Variants in CELF2 observed in about 807,000 individuals in gnomAD.
CELF2 encodes the protein CUGBP Elav-like family member 2, also known as CUG triplet repeat RNA-binding protein 2.
CELF2 carries 8 observed loss-of-function variants against 62.6 expected under a neutral mutation model. That is an observed-to-expected ratio of 0.13 (90% CI 0.07 to 0.23). The LOEUF is 0.23. CELF2 is among the 10% of genes least tolerant of loss of function. The pLI is 1.00. For missense variants in CELF2, 333 were observed against 671.0 expected (o/e 0.50, Z 5.56); for synonymous variants, 258 against 250.0 (o/e 1.03, Z -0.30).
At chr10:10,977,483 C>T (rs2051485127) in intron 2 of CELF2, among the ~76,000 whole-genome samples, 1 of 151,942 alleles carries the variant, frequency 6.6e-6, no homozygotes, top group African/African-American at 2.4e-5. Flanking sequence ...ATATTTAAAC[C>T]CAGAATGTCA....
At chr10:10,524,270 G>T in the CELF2 span, among the ~76,000 whole-genome samples, 3 of 151,956 alleles carry the variant, frequency 2.0e-5, no homozygotes, top group Non-Finnish European at 4.4e-5. Context: ...TTCTAAGAGG[G>T]CAAAGCTCAT....
the CELF2 span, among the ~76,000 whole-genome samples, chr10:10,697,024 T>C: frequency 6.6e-6 from 1 of 152,108 alleles, no homozygotes; most frequent in African/African-American, 2.4e-5. Flanking sequence ...TTAAGGTACA[T>C]GTTCAAGGAT....
the CELF2 span, among the ~76,000 whole-genome samples, chr10:10,694,345 G>A: frequency 6.6e-6 from 1 of 150,876 alleles, no homozygotes; most frequent in Non-Finnish European, 1.5e-5. Flanking sequence ...TTAATCCTGA[G>A]TTCTAGTTTG....
At chr10:10,752,011 G>A in the CELF2 span, among the ~76,000 whole-genome samples, 1 of 152,170 alleles carries the variant, frequency 6.6e-6, no homozygotes, top group East Asian at 1.9e-4. Context: ...AACAAATTAT[G>A]ACCTGCTTCG....
the CELF2 span, among the ~76,000 whole-genome samples, chr10:10,584,955 A>C: frequency 6.6e-6 from 1 of 152,172 alleles, no homozygotes; most frequent in African/African-American, 2.4e-5. Context: ...TTTTGAGAGA[A>C]GTAAGTTTGA....
At chr10:10,466,652 T>A in the CELF2 span, among the ~76,000 whole-genome samples, 11 of 152,268 alleles carry the variant, frequency 7.2e-5, no homozygotes, top group African/African-American at 2.6e-4. Context: ...GCTGTAACAT[T>A]TGATACTTTC....
the CELF2 span, among the ~76,000 whole-genome samples, chr10:10,657,276 A>C: frequency 1.3e-5 from 2 of 152,202 alleles, no homozygotes; most frequent in Non-Finnish European, 2.9e-5. Flanking sequence ...GGACAGTGAG[A>C]GTAATTGTTG....
chr10:11,129,120 C>T (rs1047634555), intron 1 of CELF2, among the ~76,000 whole-genome samples: 1 of 152,156 alleles, frequency 6.6e-6, no homozygotes, highest in Non-Finnish European at 1.5e-5. Context: ...GCCTATTCTG[C>T]ATCTATTGAG....
the CELF2 span, among the ~76,000 whole-genome samples, chr10:10,662,806 A>ATTAACCAC: frequency 1.3e-5 from 2 of 152,212 alleles, no homozygotes; most frequent in African/African-American, 4.8e-5. Flanking sequence ...TGATGTGTTA[A>ATTAACCAC]TTGGAGAGCA....
the CELF2 span, among the ~76,000 whole-genome samples, chr10:10,638,127 A>G: frequency 6.6e-6 from 1 of 152,180 alleles, no homozygotes; most frequent in Non-Finnish European, 1.5e-5. Flanking sequence ...GGTACAGGAA[A>G]TAAAACAGCA....
At chr10:10,956,426 G>T (rs1448553387) in intron 2 of CELF2, among the ~76,000 whole-genome samples, 1 of 152,130 alleles carries the variant, frequency 6.6e-6, no homozygotes, top group Non-Finnish European at 1.5e-5. Context: ...TTTATCCTGG[G>T]TGGAGGCCAT....
At chr10:10,657,347 G>T in the CELF2 span, among the ~76,000 whole-genome samples, 3 of 151,760 alleles carry the variant, frequency 2.0e-5, no homozygotes, top group Non-Finnish European at 4.4e-5. Context: ...CTGTGGTGAT[G>T]GTTGCGTAAC....
rs2056869818 is a variant in CELF2 at position 11,194,438 on chromosome 10, TTGGTC to T, written c.272-22985_272-22981del. ...AATTCAAAATTTTTAAATGAAAACA[TTGGTC>T]TTTGCCCAGTAACGAACATGTGTAC... On this transcript the variant is annotated intron_variant, in intron 2 of 12. Transcript: ENST00000633077. Among the ~76,000 whole-genome samples the T allele has an allele frequency of 2.6e-5, 4 of 152,196 alleles. No homozygotes were observed. In the South Asian group the frequency reaches 8.3e-4, roughly 32 times the overall value.
chr10:10,541,337 C>A, the CELF2 span, among the ~76,000 whole-genome samples: 1 of 151,862 alleles, frequency 6.6e-6, no homozygotes, highest in South Asian at 2.1e-4. Context: ...CACATCCAGG[C>A]TTCAAGAGAG....
intron 1 of CELF2, among the ~76,000 whole-genome samples, chr10:10,890,297 C>T (rs1373955432): frequency 2.0e-5 from 3 of 152,136 alleles, no homozygotes; most frequent in Non-Finnish European, 4.4e-5. Flanking sequence ...GAATTGTCTA[C>T]ATCATGGACA....
At chr10:10,881,712 G>T (rs1390171535) in intron 1 of CELF2, among the ~76,000 whole-genome samples, 1 of 151,864 alleles carries the variant, frequency 6.6e-6, no homozygotes, top group African/African-American at 2.4e-5. Flanking sequence ...TACTGAAAGA[G>T]TCATCTCTCA....
intron 2 of CELF2, among the ~76,000 whole-genome samples, chr10:10,973,725 C>T (rs774145963): frequency 2.6e-5 from 4 of 152,162 alleles, no homozygotes; most frequent in African/African-American, 9.7e-5. Context: ...TGCCACCACA[C>T]CTGGCTAATT....
At chr10:10,893,507 C>T (rs946471240) in intron 1 of CELF2, among the ~76,000 whole-genome samples, 1 of 152,168 alleles carries the variant, frequency 6.6e-6, no homozygotes, top group African/African-American at 2.4e-5. Flanking sequence ...GTCTACTGTA[C>T]AGGGTCCCCA....
At chr10:10,506,959 C>T in the CELF2 span, among the ~76,000 whole-genome samples, 1 of 152,100 alleles carries the variant, frequency 6.6e-6, no homozygotes, top group Non-Finnish European at 1.5e-5. Flanking sequence ...GCCACTGCGC[C>T]TGGCTACCTC....
Sources: allele counts gnomAD v4.1 joint callset (sites outside exome capture counted in the v4.1 genomes callset), GRCh38; gene constraint gnomAD v4.1.1; transcripts MANE v1.5; gene names NCBI Gene and HGNC (gene_info 2026-07-23, HGNC 2026-07-21).